Variants in CFAP92 observed in about 807,000 individuals in gnomAD.
The protein encoded by CFAP92 is uncharacterized protein CFAP92.
In CFAP92, 86 loss-of-function variants were observed where a neutral mutation model predicts 106.3. The ratio of observed to expected loss-of-function variants is 0.81; its 90% CI spans 0.68 to 0.97. The LOEUF (loss-of-function observed/expected upper bound fraction) is 0.97. Among genes scored for constraint, CFAP92 ranks in the 50% least tolerant of loss-of-function variants. The probability of loss-of-function intolerance (pLI) is 0.00; values close to 1 mark genes in which losing one functional copy is unlikely to be tolerated. For synonymous variants in CFAP92, 477 were observed against 506.4 expected, an observed-to-expected ratio of 0.94 and a Z score of 0.78; for missense variants, 1,204 against 1,283.8, an observed-to-expected ratio of 0.94 and a Z score of 0.95.
At chr3:128,950,080 C>CA (rs757450807) in intron 9 of CFAP92, among the ~76,000 whole-genome samples, 1 of 152,112 alleles carries the variant, frequency 6.6e-6, no homozygotes, top group Admixed American at 6.5e-5. Context: ...AAAAAAATAA[C>CA]AGAGGGTCTC....
intron 15 of CFAP92, among the ~76,000 whole-genome samples, chr3:128,913,416 T>C (rs1227699710): frequency 6.6e-6 from 1 of 152,200 alleles, no homozygotes; most frequent in Non-Finnish European, 1.5e-5. Flanking sequence ...GGATGAATGG[T>C]ATCTCCAGGC....
rs375480243 is a variant in CFAP92 at position 128,987,767 on chromosome 3, G to A, written c.516C>T (p.Ile172=). 19 of 1,613,712 alleles carry A rather than the reference G, an allele frequency of 1.2e-5. No individual in the cohort carries two copies. The highest frequency in any genetic ancestry group is 1.5e-5 in the Non-Finnish European group (18 of 1,179,774). ...AWVSWEQTFN[I]TVTKELLKKI... is the part of the protein sequence containing the mutation. ...TCTTTAATAATTCCTTTGTCACAGTGATATTAAAAGTCTGCTCCCACGACA... is the reference window on the plus strand; with the variant it reads ...TCTTTAATAATTCCTTTGTCACAGTAATATTAAAAGTCTGCTCCCACGACA... The change falls in exon 4 of 16, where the codon ATC becomes ATT. Residue 172 remains isoleucine, a synonymous_variant. Coordinates refer to ENST00000645291, the MANE Select transcript of CFAP92 (RefSeq NM_001394090.1).
chr3:128,972,104 C>G (rs1415564785), intron 7 of CFAP92, among the ~76,000 whole-genome samples: 5 of 152,130 alleles, frequency 3.3e-5, no homozygotes, highest in Non-Finnish European at 7.3e-5. Context: ...TATTGATTAT[C>G]CATATGGGAG....
chr3:128,988,929 CA>C lies in CFAP92; in HGVS notation c.263-12del. On this transcript the variant is annotated splice_polypyrimidine_tract_variant and intron_variant, in intron 2 of 15. Coordinates refer to ENST00000645291, the MANE Select transcript of CFAP92 (RefSeq NM_001394090.1). ...ATTTTCCCTTCTGACCTTGAAGATACAGATTGAAAAAGTCTCGTTTTAACCT... is the reference window on the plus strand; with the variant it reads ...ATTTTCCCTTCTGACCTTGAAGATACGATTGAAAAAGTCTCGTTTTAACCT... 6.2e-7 allele frequency: 1 copy of C among 1,604,028 alleles called. No individual in the cohort carries two copies. The highest frequency in any genetic ancestry group is 8.5e-7 in the Non-Finnish European group (1 of 1,172,954).
At chr3:129,016,026 G>A in the CFAP92 span, among the ~76,000 whole-genome samples, 7 of 152,262 alleles carry the variant, frequency 4.6e-5, no homozygotes, top group East Asian at 5.8e-4. Flanking sequence ...GTCACTGAGC[G>A]GCTCAGAGCA....
At chr3:128,921,980 G>A (rs1937328035) in intron 12 of CFAP92, among the ~76,000 whole-genome samples, 1 of 152,234 alleles carries the variant, frequency 6.6e-6, no homozygotes, top group Non-Finnish European at 1.5e-5. Context: ...TTACTTGGAA[G>A]GTCTAGTTTA....
intron 12 of CFAP92, among the ~76,000 whole-genome samples, chr3:128,925,205 T>C (rs1937568784): frequency 6.6e-6 from 1 of 152,196 alleles, no homozygotes; most frequent in Non-Finnish European, 1.5e-5. Context: ...GGGCATGGTT[T>C]GGGGATGAAA....
chr3:129,026,396 C>T, the CFAP92 span, among the ~76,000 whole-genome samples: 1 of 151,950 alleles, frequency 6.6e-6, no homozygotes, highest in Non-Finnish European at 1.5e-5. Context: ...GGAAAGATTT[C>T]AATATTAATG....
intron 9 of CFAP92, among the ~76,000 whole-genome samples, chr3:128,959,294 A>C (rs1444535268): frequency 2.0e-5 from 3 of 152,186 alleles, no homozygotes; most frequent in Non-Finnish European, 4.4e-5. Context: ...TCGCATACAA[A>C]GGTTCAACTT....
chr3:128,956,900 AACCC>A (rs1941469652), intron 9 of CFAP92, among the ~76,000 whole-genome samples: 4 of 150,354 alleles, frequency 2.7e-5, no homozygotes, highest in Admixed American at 2.7e-4. Context: ...GAATCACTTG[AACCC>A]AGGAGGCAGA....
chr3:128,926,243 TCA>T (rs1937633990), intron 12 of CFAP92, among the ~76,000 whole-genome samples: 3 of 117,882 alleles, frequency 2.5e-5, no homozygotes, highest in East Asian at 3.3e-4. Flanking sequence ...GCATGGTGGC[TCA>T]CGCCTGTAGC....
intron 9 of CFAP92, among the ~76,000 whole-genome samples, chr3:128,962,155 G>A (rs548066522): frequency 3.9e-5 from 6 of 152,200 alleles, no homozygotes; most frequent in South Asian, 2.1e-4. Context: ...ACTCCTTCTC[G>A]GCTTAGCGGC....
chr3:128,975,857 T>C lies in CFAP92; in HGVS notation c.943A>G (p.Met315Val). The change falls in exon 7 of 16, where the codon ATG (methionine) becomes GTG (valine). Residue 315 changes from methionine to valine, a missense_variant. Coordinates refer to ENST00000645291, the MANE Select transcript of CFAP92 (RefSeq NM_001394090.1). ...TCAATTAATTCCTTGATCTCCATCA[T>C]GCTTGCTCCTGCCAAAGAAATGGTT... ...TPTISLAGAS[M>V]MEIKELIESE... The C allele has an allele frequency of 6.2e-7, 1 of 1,610,630 alleles. No individual in the cohort carries two copies. The highest frequency in any genetic ancestry group is 8.5e-7 in the Non-Finnish European group (1 of 1,178,328).
At chr3:128,969,895 A>G (rs1453424440) in intron 8 of CFAP92, 1 of 152,212 alleles carries the variant, frequency 6.6e-6, no homozygotes, top group Non-Finnish European at 1.5e-5. Flanking sequence ...TTCTGATGCT[A>G]CGAGAAAGTG....
At chr3:128,951,177 G>C (rs1940738983) in intron 9 of CFAP92, among the ~76,000 whole-genome samples, 1 of 151,930 alleles carries the variant, frequency 6.6e-6, no homozygotes, top group Non-Finnish European at 1.5e-5. Context: ...AGAGGTTGCA[G>C]TGAGCTGAGA....
chr3:129,010,981 T>G, the CFAP92 span, among the ~76,000 whole-genome samples: 4 of 152,132 alleles, frequency 2.6e-5, no homozygotes, highest in Non-Finnish European at 4.4e-5. The surrounding 1 kb of genome is among the most constrained non-coding windows in gnomAD (Gnocchi z 4.3). Flanking sequence ...CTAGAGCTGT[T>G]CCCTTCACTT....
intron 11 of CFAP92, among the ~76,000 whole-genome samples, chr3:128,933,422 C>T (rs376661979): frequency 6.6e-6 from 1 of 152,110 alleles, no homozygotes; most frequent in East Asian, 1.9e-4. Flanking sequence ...AGAGAGAGTC[C>T]TCAGCAAAGC....
chr3:128,957,823 G>T (rs957099429), intron 9 of CFAP92, among the ~76,000 whole-genome samples: 1 of 88,398 alleles, frequency 1.1e-5, no homozygotes, highest in Non-Finnish European at 2.0e-5. Context: ...CCTACGAAGC[G>T]CCATAAACTG....
chr3:128,918,421 C>T (rs1198754307), intron 12 of CFAP92, among the ~76,000 whole-genome samples: 7 of 152,202 alleles, frequency 4.6e-5, no homozygotes, highest in Middle Eastern at 3.4e-3. Flanking sequence ...TGCATTGAGC[C>T]GAGATCATGC....
Sources: allele counts gnomAD v4.1 joint callset (sites outside exome capture counted in the v4.1 genomes callset), GRCh38; gene constraint gnomAD v4.1.1; non-coding constraint Gnocchi (gnomAD v3.1); transcripts MANE v1.5; gene names NCBI Gene and HGNC (gene_info 2026-07-23, HGNC 2026-07-21).